MALRD1: variants seen among roughly 807,000 people sequenced by gnomAD.
MALRD1 encodes MAM and LDL receptor class A domain containing 1.
In MALRD1, 247 loss-of-function variants were observed where a neutral mutation model predicts 242.1. The observed-to-expected ratio is 1.02, with a 90% CI of 0.92 to 1.13. The LOEUF is 1.13. MALRD1 is among the 50% of genes most tolerant of loss of function. The pLI, the probability that MALRD1 is intolerant of heterozygous loss-of-function variation, is 0.00. For synonymous variants in MALRD1, 995 were observed against 866.6 expected (o/e 1.15, Z -2.60); for missense variants, 2,989 against 2,533.1 (o/e 1.18, Z -3.86).
chr10:19,703,527 C>A (rs1337989203), intron 38 of MALRD1, among the ~76,000 whole-genome samples: 1 of 152,182 alleles, frequency 6.6e-6, no homozygotes, highest in Non-Finnish European at 1.5e-5. Context: ...GCAGGAAATA[C>A]AGCAGCCTTC....
At chr10:19,149,098 A>ATCTATCTT (rs1258557206) in intron 11 of MALRD1, among the ~76,000 whole-genome samples, 1 of 151,376 alleles carries the variant, frequency 6.6e-6, no homozygotes, top group Admixed American at 6.6e-5. Flanking sequence ...CTATCTATCT[A>ATCTATCTT]TCTATCTATC....
upstream of MALRD1, among the ~76,000 whole-genome samples, chr10:19,047,607 T>A (rs985731239): frequency 1.3e-5 from 2 of 152,120 alleles, no homozygotes; most frequent in Non-Finnish European, 2.9e-5. Flanking sequence ...TTATTAGTAT[T>A]TGTTTGCAAA....
intron 26 of MALRD1, among the ~76,000 whole-genome samples, chr10:19,367,729 G>C (rs1419103078): frequency 2.0e-5 from 3 of 152,040 alleles, no homozygotes; most frequent in Non-Finnish European, 4.4e-5. Context: ...CTCAAGAAGA[G>C]TGTATAAGAG....
At chr10:19,643,942 C>T (rs939899323) in intron 36 of MALRD1, among the ~76,000 whole-genome samples, 1 of 152,174 alleles carries the variant, frequency 6.6e-6, no homozygotes, top group African/African-American at 2.4e-5. Context: ...TCCCTTCCTT[C>T]TGCACCACTG....
At chr10:19,705,285 C>T (rs1040687770) in intron 38 of MALRD1, among the ~76,000 whole-genome samples, 1 of 152,122 alleles carries the variant, frequency 6.6e-6, no homozygotes, top group Non-Finnish European at 1.5e-5. Context: ...TTACTCTATA[C>T]CTCAAGGCAT....
chr10:19,249,585 C>A lies in MALRD1; in HGVS notation c.2992-8099C>A, dbSNP rs1839214039. On this transcript the variant is annotated intron_variant, in intron 18 of 39. Coordinates refer to ENST00000454679, the MANE Select transcript of MALRD1 (RefSeq NM_001142308.3). Reference sequence around the variant, plus strand: ...ATGCTGTGTTTGCAGCGCTTGTGTCCTTCAGTGTCCCTCCTGGAGGTTGTC... The same window carrying A: ...ATGCTGTGTTTGCAGCGCTTGTGTCATTCAGTGTCCCTCCTGGAGGTTGTC... Among the ~76,000 whole-genome samples, 3 of 151,958 alleles carry A rather than the reference C, an allele frequency of 2.0e-5. No homozygotes were observed. In the South Asian group the frequency reaches 6.2e-4, roughly 31 times the overall value.
intron 26 of MALRD1, among the ~76,000 whole-genome samples, chr10:19,361,068 A>G (rs1844874951): frequency 6.6e-6 from 1 of 152,106 alleles, no homozygotes; most frequent in Admixed American, 6.6e-5. Flanking sequence ...TTTGCTCCTC[A>G]ACAGCCATTC....
At chr10:19,309,689 A>C (rs1470676192) in intron 21 of MALRD1, among the ~76,000 whole-genome samples, 1 of 151,512 alleles carries the variant, frequency 6.6e-6, no homozygotes, top group African/African-American at 2.4e-5. Context: ...GAGTTGACAG[A>C]TTTTGTAAAA....
At chr10:19,193,835 A>G (rs1319759261) in intron 14 of MALRD1, among the ~76,000 whole-genome samples, 1 of 19,794 alleles carries the variant, frequency 5.1e-5, no homozygotes, top group Non-Finnish European at 1.1e-4. Flanking sequence ...AGTCTGGGGG[A>G]AAAAAAATAT....
intron 13 of MALRD1, among the ~76,000 whole-genome samples, chr10:19,173,000 A>T (rs1004882917): frequency 2.0e-5 from 3 of 152,064 alleles, no homozygotes; most frequent in Non-Finnish European, 4.4e-5. Flanking sequence ...TCTAATCAGA[A>T]TCTTAAAAAT....
At chr10:19,270,861 T>A (rs1249159888) in intron 19 of MALRD1, among the ~76,000 whole-genome samples, 2 of 144,196 alleles carry the variant, frequency 1.4e-5, no homozygotes, top group African/African-American at 2.6e-5. Context: ...CAAAATAATA[T>A]TATTTCACTG....
Position 19,450,343 on chromosome 10 carries a change from A to G in MALRD1, c.4882A>G (p.Lys1628Glu). The change falls in exon 29 of 40, where the codon AAG becomes GAG. Residue 1628 changes from lysine (K) to glutamate (E), a missense_variant. Coordinates refer to ENST00000454679, the MANE Select transcript of MALRD1 (RefSeq NM_001142308.3). ...KGLSKVWQESKQNPGNHWQKA... is the reference protein window; with the variant it reads ...KGLSKVWQESEQNPGNHWQKA... ...ACTATCAAAAGTATGGCAAGAAAGT[A>G]AGCAGAACCCTGGTAATCATTGGCA... 6.5e-7 allele frequency: 1 copy of G among 1,549,258 alleles called. No homozygotes were observed. The highest frequency in any genetic ancestry group is 8.7e-7 in the Non-Finnish European group (1 of 1,146,872).
intron 38 of MALRD1, among the ~76,000 whole-genome samples, chr10:19,701,816 C>T (rs1833645534): frequency 6.8e-6 from 1 of 146,920 alleles, no homozygotes; most frequent in Non-Finnish European, 1.5e-5. Flanking sequence ...TCTTTCTCTT[C>T]TCCATCCCTC....
chr10:19,069,752 CT>C (rs113331977), intron 2 of MALRD1, among the ~76,000 whole-genome samples: 13 of 146,030 alleles, frequency 8.9e-5, no homozygotes, highest in Non-Finnish European at 1.1e-4. Context: ...TCCACAATTT[CT>C]TTTTTTTTTC....
chr10:19,418,255 T>C (rs148970832), intron 28 of MALRD1, among the ~76,000 whole-genome samples: 6 of 151,684 alleles, frequency 4.0e-5, no homozygotes, highest in Non-Finnish European at 8.8e-5. Context: ...ATAGATCAAA[T>C]ATGCACCATT....
chr10:19,154,833 A>T (rs1477722572), intron 11 of MALRD1, among the ~76,000 whole-genome samples: 2 of 152,198 alleles, frequency 1.3e-5, no homozygotes, highest in African/African-American at 4.8e-5. Flanking sequence ...GCCAACAGAA[A>T]TGTTTGTTTA....
intron 26 of MALRD1, among the ~76,000 whole-genome samples, chr10:19,369,634 G>T (rs1845283952): frequency 3.1e-4 from 1 of 3,264 alleles, no homozygotes; most frequent in Non-Finnish European, 6.2e-3. Context: ...TAAGTATACA[G>T]ATATATTTAA....
intron 11 of MALRD1, among the ~76,000 whole-genome samples, chr10:19,146,960 GT>G (rs1833746470): frequency 6.6e-6 from 1 of 151,960 alleles, no homozygotes; most frequent in Non-Finnish European, 1.5e-5. Context: ...CTTTTGTTTT[GT>G]TCACATTTGT....
chr10:19,082,853 C>A (rs1012134359), intron 2 of MALRD1, among the ~76,000 whole-genome samples: 5 of 151,894 alleles, frequency 3.3e-5, no homozygotes, highest in Admixed American at 3.3e-4. Context: ...GCTGCTAGAA[C>A]AAAATGCCAT....
Sources: gnomAD v4.1 joint callset for allele counts (sites outside exome capture counted in the v4.1 genomes callset) on GRCh38, gnomAD v4.1.1 for gene constraint, MANE v1.5 for transcripts, NCBI Gene and HGNC (gene_info 2026-07-23, HGNC 2026-07-21) for gene names.